ECM2: variants seen among roughly 807,000 people sequenced by gnomAD.
ECM2 encodes extracellular matrix protein 2, female organ and adipocyte specific.
ECM2 carries 57 observed loss-of-function variants against 67.5 expected under a neutral mutation model. The observed-to-expected ratio is 0.84, with a 90% CI of 0.68 to 1.05. The LOEUF (loss-of-function observed/expected upper bound fraction) is 1.05, where lower values mean the gene tolerates loss of function less well. Ranked by LOEUF, ECM2 falls within the 50% of genes least tolerant of loss-of-function variation. The probability of loss-of-function intolerance (pLI) is 0.00; values close to 1 mark genes in which losing one functional copy is unlikely to be tolerated. For synonymous variants in ECM2, 258 were observed against 294.5 expected, an observed-to-expected ratio of 0.88 and a Z score of 1.27; for missense variants, 741 against 822.8, an observed-to-expected ratio of 0.90 and a Z score of 1.22.
chr9:92,517,633 T>C (rs1333182164), intron 3 of ECM2, 54 bp downstream of exon 3: 2 of 1,603,012 alleles, frequency 1.2e-6, no homozygotes, highest in Admixed American at 1.7e-5. Flanking sequence ...CAAAAACAAA[T>C]GGAAGTTAAA....
chr9:92,552,214 CA>C, the ECM2 span, among the ~76,000 whole-genome samples: 97 of 150,686 alleles, frequency 6.4e-4, 2 homozygotes, highest in South Asian at 4.8e-3. Context: ...CACACACACA[CA>C]CCCCACAGTT....
the ECM2 span, among the ~76,000 whole-genome samples, chr9:92,544,023 ATTTC>A: frequency 6.6e-6 from 1 of 152,056 alleles, no homozygotes; most frequent in Non-Finnish European, 1.5e-5. Context: ...GATATTTTTT[ATTTC>A]TTTCTCTTAT....
chr9:92,523,665 A>G lies in ECM2; in HGVS notation c.-27-772T>C, dbSNP rs547427658. ...GTAATCTATAGCAGTAGCGGTTTAA[A>G]TGAATCTCCTTTGTGCTTAAACAGC... is the stretch of plus-strand genomic sequence containing the variant. On this transcript the variant is annotated intron_variant, in intron 1 of 9. Transcript: ENST00000344604. Among the ~76,000 whole-genome samples the G allele has an allele frequency of 2.6e-5, 4 of 152,356 alleles. No homozygotes were observed. In the East Asian group the frequency reaches 5.8e-4, roughly 22 times the overall value.
chr9:92,542,365 G>C, the ECM2 span, among the ~76,000 whole-genome samples: 6 of 152,000 alleles, frequency 3.9e-5, no homozygotes, highest in Non-Finnish European at 8.8e-5. Context: ...CTGTTGTTTC[G>C]TTTACTGTGT....
rs541834551 is a variant in ECM2, at chr9:92,525,796, A to G, written c.-27-2903T>C. The stretch of plus-strand genomic sequence containing the variant: ...TCCCAGCAACTCGGGAGGCTGAGAC[A>G]GAAGAATCGCTTAAACCCGGGAGGC... On this transcript the variant is annotated intron_variant, in intron 1 of 9. Coordinates refer to ENST00000344604, the MANE Select transcript of ECM2 (RefSeq NM_001393.4). Among the ~76,000 whole-genome samples, 4 of 151,704 alleles carry G rather than the reference A, an allele frequency of 2.6e-5. No homozygotes were observed. The South Asian group carries it at 8.3e-4, about 32-fold the overall frequency.
chr9:92,500,968 G>A lies in ECM2; in HGVS notation c.1690C>T (p.Leu564Phe), dbSNP rs1251390470. 6.2e-7 allele frequency: 1 copy of A among 1,614,174 alleles called. No individual in the cohort carries two copies. The highest frequency in any genetic ancestry group is 1.7e-5 in the Admixed American group (1 of 60,024). ...LPKSLLHLVL[L>F]GNQIERIPGY... ...GGGATCCGTTCAATCTGGTTCCCAA[G>A]GAGTACTAGGTGCAGCAAGGACTTG... is the stretch of plus-strand genomic sequence containing the variant. The change falls in exon 9 of 10, where the codon CTT becomes TTT. Residue 564 changes from leucine (L) to phenylalanine (F), a missense_variant. Coordinates refer to ENST00000344604, the MANE Select transcript of ECM2 (RefSeq NM_001393.4).
chr9:92,510,222 A>G lies in ECM2; in HGVS notation c.1171-188T>C, dbSNP rs1887173. Among the ~76,000 whole-genome samples the G allele has an allele frequency of 3.3e-4, 51 of 152,296 alleles. No individual in the cohort carries two copies. The South Asian group carries it at 9.1e-3, about 27-fold the overall frequency. On this transcript the variant is annotated intron_variant, in intron 5 of 9. Transcript: ENST00000344604. ...GATATTGATCCTGGTAATAGCATTG[A>G]TTCTCAGGGATTTTCAGCAGACTAC...
At chr9:92,495,161 C>T (rs1427328985), downstream of ECM2, among the ~76,000 whole-genome samples, 1 of 152,100 alleles carries the variant, frequency 6.6e-6, no homozygotes, top group East Asian at 1.9e-4. Context: ...GATTAAATAA[C>T]TAAAGCTTAA....
chr9:92,522,049 T>G (rs1164416037), intron 2 of ECM2, among the ~76,000 whole-genome samples: 1 of 152,070 alleles, frequency 6.6e-6, no homozygotes, highest in Non-Finnish European at 1.5e-5. Flanking sequence ...CTTAAGTTGT[T>G]TTTGGTTTTT....
downstream of ECM2, chr9:92,494,000 G>A: frequency 7.1e-7 from 1 of 1,415,504 alleles, no homozygotes; most frequent in Non-Finnish European, 9.8e-7. Context: ...AGGCCCCAGT[G>A]TGCTCGTCGC....
At chr9:92,535,324 T>C (rs1849102342) in intron 1 of ECM2, among the ~76,000 whole-genome samples, 1 of 152,226 alleles carries the variant, frequency 6.6e-6, no homozygotes, top group Non-Finnish European at 1.5e-5. Flanking sequence ...CACTTAATAT[T>C]TGCTTTCATA....
chr9:92,537,763 G>A (rs1402073482), upstream of ECM2, among the ~76,000 whole-genome samples: 1 of 152,168 alleles, frequency 6.6e-6, no homozygotes, highest in African/African-American at 2.4e-5. Context: ...TAAAACAGAA[G>A]AGGAAGATTT....
chr9:92,528,261 C>G (rs139699015), intron 1 of ECM2, among the ~76,000 whole-genome samples: 2 of 152,092 alleles, frequency 1.3e-5, no homozygotes, highest in Admixed American at 1.3e-4. Flanking sequence ...ATCAAATGCC[C>G]GGAGAGACCT....
intron 3 of ECM2, chr9:92,516,815 C>T (rs367782318): frequency 1.1e-4 from 16 of 152,200 alleles, no homozygotes; most frequent in East Asian, 9.6e-4. Flanking sequence ...GGTAGTATAA[C>T]GCAAAACACA....
Position 92,522,726 on chromosome 9 carries a change from G to A in ECM2, c.141C>T (p.His47=), listed in dbSNP as rs751990159. The change falls in exon 2 of 10, where the codon CAC becomes CAT. Residue 47 remains histidine, a synonymous_variant. Coordinates refer to ENST00000344604, the MANE Select transcript of ECM2 (RefSeq NM_001393.4). ...GAATTCCAAGCTGTCTGTTTGATCT[G>A]TGCTTGTGTGAGGTTGAACTTTTCC... ...RLRKSSTSHK[H]RSNRQLGIQQ... The A allele has an allele frequency of 9.3e-6, 15 of 1,614,006 alleles. No individual in the cohort carries two copies. The African/African-American group carries it at 1.7e-4, about 19-fold the overall frequency.
At chr9:92,500,136 G>A (rs139287586) in intron 9 of ECM2, among the ~76,000 whole-genome samples, 1 of 152,254 alleles carries the variant, frequency 6.6e-6, no homozygotes, top group African/African-American at 2.4e-5. Flanking sequence ...TTGCTTTGAA[G>A]ACTCATTTGA....
chr9:92,512,778 C>T (rs1458608799), intron 4 of ECM2, among the ~76,000 whole-genome samples: 1 of 152,160 alleles, frequency 6.6e-6, no homozygotes, highest in Non-Finnish European at 1.5e-5. Context: ...ACCATAAAAG[C>T]CACGTGGTGA....
At chr9:92,516,947 C>CGG in intron 3 of ECM2, 1 of 152,394 alleles carries the variant, frequency 6.6e-6, no homozygotes, top group Non-Finnish European at 1.5e-5. Flanking sequence ...GTCCCTATCC[C>CGG]TTCCCAGCCA....
chr9:92,496,298 C>T lies in ECM2; in HGVS notation c.*17G>A. The T allele has an allele frequency of 6.4e-7, 1 of 1,563,482 alleles. No homozygotes were observed. Among genetic ancestry groups the T allele is most frequent in the Non-Finnish European group, 8.6e-7 (1 of 1,162,778 alleles). On this transcript the variant is annotated 3_prime_UTR_variant, in exon 10 of 10. Transcript: ENST00000344604. ...ATACATGAGTAAAGTTTATAAACAG[C>T]AAAGGAAAACTTGGAATTACTTGAT... is the stretch of plus-strand genomic sequence containing the variant.
Sources: allele counts gnomAD v4.1 joint callset (sites outside exome capture counted in the v4.1 genomes callset), GRCh38; gene constraint gnomAD v4.1.1; transcripts MANE v1.5; gene names NCBI Gene and HGNC (gene_info 2026-07-23, HGNC 2026-07-21).